RAD51B: variants seen among roughly 807,000 people sequenced by gnomAD.
RAD51B encodes the protein DNA repair protein RAD51 homolog 2.
RAD51B carries 38 observed loss-of-function variants against 42.2 expected under a neutral mutation model. The ratio of observed to expected loss-of-function variants is 0.90; its 90% CI spans 0.70 to 1.18. The LOEUF (loss-of-function observed/expected upper bound fraction) is 1.18. Ranked by LOEUF, RAD51B falls within the 50% of genes most tolerant of loss-of-function variation. RAD51B has a pLI of 0.00. For synonymous variants in RAD51B, 154 were observed against 145.2 expected (o/e 1.06, Z -0.43); for missense variants, 373 against 400.7 (o/e 0.93, Z 0.59).
intron 7 of RAD51B, among the ~76,000 whole-genome samples, chr14:68,031,938 T>G (rs577388337): frequency 2.6e-4 from 39 of 152,330 alleles, no homozygotes; most frequent in Middle Eastern, 3.4e-3. Context: ...CCATCCACAT[T>G]CACCTTAGAA....
chr14:68,019,924 T>A (rs35158848), intron 7 of RAD51B, among the ~76,000 whole-genome samples: 1,571 of 152,276 alleles, frequency 0.01, 26 homozygotes, highest in African/African-American at 0.036. Flanking sequence ...AGTTACACAT[T>A]GCACTTTCTC....
intron 7 of RAD51B, among the ~76,000 whole-genome samples, chr14:68,245,039 T>C (rs1354954477): frequency 6.6e-6 from 1 of 152,214 alleles, no homozygotes; most frequent in Admixed American, 6.5e-5. Flanking sequence ...GATGTGTCTA[T>C]TGATACCAAG....
At position 68,660,443 on chromosome 14, in the gene RAD51B, G is replaced by C. The variant is rs545719710; in HGVS notation, c.*11+9587G>C. 2.6e-5 allele frequency among the ~76,000 whole-genome samples: 4 copies of C among 152,244 alleles called. No homozygotes were observed. The South Asian group carries it at 8.3e-4, about 32-fold the overall frequency. Reference sequence around the variant, plus strand: ...AGAATCCAATAGCAAGCTTTTATTGGGCATCTACTATCTCCCCAAAATGGA... The same window carrying C: ...AGAATCCAATAGCAAGCTTTTATTGCGCATCTACTATCTCCCCAAAATGGA... On this transcript the variant is annotated intron_variant, in intron 11 of 11. Coordinates refer to the RAD51B transcript ENST00000488612.
intron 7 of RAD51B, among the ~76,000 whole-genome samples, chr14:68,223,942 C>T (rs2079983194): frequency 6.6e-6 from 1 of 152,184 alleles, no homozygotes; most frequent in Admixed American, 6.5e-5. Flanking sequence ...ATATCATCCA[C>T]AATTCAAAGC....
chr14:68,480,943 G>A (rs1883130773), downstream of RAD51B, among the ~76,000 whole-genome samples: 1 of 152,282 alleles, frequency 6.6e-6, no homozygotes, highest in South Asian at 2.1e-4. Flanking sequence ...AGCTCTTGGG[G>A]GGTTTATTTG....
intron 9 of RAD51B, among the ~76,000 whole-genome samples, chr14:68,465,950 A>AAATAAAAT (rs1566900026): frequency 3.7e-5 from 3 of 81,314 alleles, no homozygotes; most frequent in African/African-American, 1.3e-4. Flanking sequence ...CAAAAAAAAA[A>AAATAAAAT]AAAATAAATA....
chr14:67,856,344 G>T (rs961961330), intron 4 of RAD51B, among the ~76,000 whole-genome samples: 2 of 151,978 alleles, frequency 1.3e-5, no homozygotes, highest in Non-Finnish European at 2.9e-5. Flanking sequence ...ATGCAACCTG[G>T]CCTTTCTGAG....
chr14:68,570,670 C>T (rs1326707383), intron 10 of RAD51B, among the ~76,000 whole-genome samples: 1 of 152,212 alleles, frequency 6.6e-6, no homozygotes, highest in Non-Finnish European at 1.5e-5. Context: ...AGCCCCCATC[C>T]CCATTTTTAC....
chr14:67,943,830 TAAG>T (rs143148984), intron 7 of RAD51B, among the ~76,000 whole-genome samples: 108 of 152,254 alleles, frequency 7.1e-4, no homozygotes, highest in African/African-American at 2.5e-3. Context: ...AGGGCCTACT[TAAG>T]AAGAAAGTGG....
chr14:68,465,952 A>T (rs28439590), intron 9 of RAD51B, among the ~76,000 whole-genome samples: 4 of 20,946 alleles, frequency 1.9e-4, no homozygotes, highest in African/African-American at 6.7e-4. Context: ...AAAAAAAAAA[A>T]AATAAATAAA....
chr14:67,932,527 T>G (rs1482037067), intron 7 of RAD51B, among the ~76,000 whole-genome samples: 2 of 152,158 alleles, frequency 1.3e-5, no homozygotes, highest in African/African-American at 4.8e-5. Flanking sequence ...GGTTCAATTC[T>G]TGGCTCCCCA....
At chr14:68,249,986 G>A (rs931879015) in intron 7 of RAD51B, among the ~76,000 whole-genome samples, 1 of 152,200 alleles carries the variant, frequency 6.6e-6, no homozygotes, top group African/African-American at 2.4e-5. Context: ...AGGAAGAAAT[G>A]TCATAAAAAT....
intron 10 of RAD51B, among the ~76,000 whole-genome samples, chr14:68,569,315 C>T (rs559850274): frequency 2.6e-4 from 40 of 152,346 alleles, no homozygotes; most frequent in Non-Finnish European, 2.9e-4. Context: ...AGGCCTCTCT[C>T]TCCCTCTTCT....
At chr14:67,892,788 G>A (rs981409044) in intron 7 of RAD51B, among the ~76,000 whole-genome samples, 2 of 152,188 alleles carry the variant, frequency 1.3e-5, no homozygotes, top group African/African-American at 4.8e-5. Context: ...ACCCTCAATA[G>A]AAATGCTGGA....
intron 7 of RAD51B, among the ~76,000 whole-genome samples, chr14:68,253,388 GT>G (rs2080682777): frequency 6.6e-6 from 1 of 151,676 alleles, no homozygotes; most frequent in Non-Finnish European, 1.5e-5. Flanking sequence ...GTGAATGTTT[GT>G]TTAGTTTTCT....
rs539710673 is a variant in RAD51B at position 68,077,861 on chromosome 14, C to T, written c.756+190657C>T. ...ATCCCAGCTACTGGGGTGGCTGAGG[C>T]AGGCGAATCGCTTGAACCCGGGAAG... is the stretch of plus-strand genomic sequence containing the variant. On this transcript the variant is annotated intron_variant, in intron 7 of 10. Coordinates refer to ENST00000471583, the MANE Select transcript of RAD51B (RefSeq NM_133510.4). Among the ~76,000 whole-genome samples the T allele has an allele frequency of 1.4e-4, 21 of 152,360 alleles. No individual in the cohort carries two copies. In the East Asian group the frequency reaches 4.0e-3, roughly 29 times the overall value.
chr14:67,908,809 T>A (rs749305359), intron 7 of RAD51B: 12 of 152,208 alleles, frequency 7.9e-5, no homozygotes, highest in Non-Finnish European at 1.6e-4. Context: ...ACGTGGATCC[T>A]GCCATCAAAG....
At chr14:67,991,279 C>A (rs890487388) in intron 7 of RAD51B, among the ~76,000 whole-genome samples, 5 of 152,136 alleles carry the variant, frequency 3.3e-5, no homozygotes, top group African/African-American at 9.7e-5. Flanking sequence ...TGAATTGAAT[C>A]CTTAGTAAAG....
chr14:68,076,279 A>G (rs926062908), intron 7 of RAD51B, among the ~76,000 whole-genome samples: 3 of 151,998 alleles, frequency 2.0e-5, no homozygotes, highest in Non-Finnish European at 4.4e-5. Flanking sequence ...TGGAGGAGCT[A>G]TAAGTAGAGC....
Sources: gnomAD v4.1 joint callset for allele counts (sites outside exome capture counted in the v4.1 genomes callset) on GRCh38, gnomAD v4.1.1 for gene constraint, MANE v1.5 for transcripts, NCBI Gene and HGNC (gene_info 2026-07-23, HGNC 2026-07-21) for gene names.